PTPRT: variants seen among roughly 807,000 people sequenced by gnomAD.
PTPRT encodes protein tyrosine phosphatase receptor type T.
In PTPRT, 56 loss-of-function variants were observed where a neutral mutation model predicts 176.8. The observed-to-expected ratio is 0.32, with a 90% CI of 0.26 to 0.40. PTPRT has a LOEUF of 0.40. Among genes scored for constraint, PTPRT ranks in the 10% least tolerant of loss-of-function variants. PTPRT has a pLI of 1.00. For missense variants in PTPRT, 1,540 were observed against 1,908.2 expected (o/e 0.81, Z 3.60); for synonymous variants, 783 against 739.0 (o/e 1.06, Z -0.96).
At chr20:42,057,166 A>G in the PTPRT span, among the ~76,000 whole-genome samples, 8 of 152,320 alleles carry the variant, frequency 5.3e-5, no homozygotes, top group African/African-American at 1.2e-4. Context: ...TGGATATTCA[A>G]TAATTACTGG....
intron 12 of PTPRT, among the ~76,000 whole-genome samples, chr20:42,296,748 T>C (rs1466828236): frequency 6.6e-6 from 1 of 152,198 alleles, no homozygotes; most frequent in Non-Finnish European, 1.5e-5. Context: ...ATCTAAAACA[T>C]TGTTATTGTA....
At chr20:42,409,540 A>AT (rs1262195273) in intron 9 of PTPRT, among the ~76,000 whole-genome samples, 1 of 151,390 alleles carries the variant, frequency 6.6e-6, no homozygotes, top group Non-Finnish European at 1.5e-5. Flanking sequence ...ACAAACTGAT[A>AT]TATCAACAAT....
intron 2 of PTPRT, among the ~76,000 whole-genome samples, chr20:42,861,360 C>T (rs1222278581): frequency 2.0e-5 from 3 of 152,154 alleles, no homozygotes; most frequent in Non-Finnish European, 4.4e-5. Flanking sequence ...TAGACATTCC[C>T]TAACTGATTG....
At chr20:42,282,068 T>G (rs1485953098) in intron 13 of PTPRT, among the ~76,000 whole-genome samples, 1 of 152,162 alleles carries the variant, frequency 6.6e-6, no homozygotes, top group East Asian at 1.9e-4. Flanking sequence ...AATCACCTCA[T>G]TTTTGAAAGC....
chr20:42,541,896 G>A (rs544597027), intron 7 of PTPRT, among the ~76,000 whole-genome samples: 4 of 149,666 alleles, frequency 2.7e-5, no homozygotes, highest in South Asian at 4.3e-4. Context: ...TAAGTGATAC[G>A]GTTTGGCTGT....
intron 11 of PTPRT, 88 bp from the exon 12 acceptor site, chr20:42,316,084 C>T (rs1389971116): frequency 7.0e-7 from 1 of 1,433,504 alleles, no homozygotes; most frequent in Non-Finnish European, 9.6e-7. Flanking sequence ...CCAACTTCTC[C>T]TATGTGGAAG....
intron 2 of PTPRT, among the ~76,000 whole-genome samples, chr20:42,867,485 C>T (rs2078767830): frequency 6.8e-6 from 1 of 147,336 alleles, no homozygotes; most frequent in Non-Finnish European, 1.5e-5. Flanking sequence ...CCCTCCTAAG[C>T]TCACCCACAT....
chr20:42,834,268 C>T lies in PTPRT; in HGVS notation c.215-42802G>A, dbSNP rs1300693199. Among the ~76,000 whole-genome samples, 4 of 152,074 alleles carry T rather than the reference C, an allele frequency of 2.6e-5. No homozygotes were observed. The East Asian group carries it at 7.7e-4, about 29-fold the overall frequency. Reference sequence around the variant, plus strand: ...TGAAAAGATGTTCAACATCATTACTCATTAGGGGAATCCAAATTAAAATCA... The same window carrying T: ...TGAAAAGATGTTCAACATCATTACTTATTAGGGGAATCCAAATTAAAATCA... On this transcript the variant is annotated intron_variant, in intron 2 of 30. Transcript: ENST00000373187.
intron 7 of PTPRT, among the ~76,000 whole-genome samples, chr20:42,524,138 T>C (rs1166361649): frequency 6.6e-6 from 1 of 152,218 alleles, no homozygotes; most frequent in African/African-American, 2.4e-5. Context: ...AGTTTAGTTG[T>C]ATCATGTTTT....
chr20:42,791,736 T>C (rs987378291), intron 2 of PTPRT, among the ~76,000 whole-genome samples: 2 of 152,364 alleles, frequency 1.3e-5, no homozygotes, highest in Middle Eastern at 3.4e-3. Context: ...CGTGCTACTA[T>C]TGCTATTTGC....
intron 13 of PTPRT, among the ~76,000 whole-genome samples, chr20:42,272,721 GCACACACACA>G (rs58728446): frequency 6.7e-6 from 1 of 149,206 alleles, no homozygotes; most frequent in Non-Finnish European, 1.5e-5. Context: ...ACACGTGCGC[GCACACACACA>G]CACACACACA....
At chr20:42,454,858 C>A (rs1418566668) in intron 8 of PTPRT, among the ~76,000 whole-genome samples, 1 of 152,198 alleles carries the variant, frequency 6.6e-6, no homozygotes, top group African/African-American at 2.4e-5. Context: ...ATAATGCTTA[C>A]TGCAAAGTAC....
intron 2 of PTPRT, among the ~76,000 whole-genome samples, chr20:42,817,517 T>G (rs1374640252): frequency 1.3e-5 from 2 of 152,200 alleles, no homozygotes; most frequent in African/African-American, 4.8e-5. Flanking sequence ...TCAGGGACAG[T>G]ATGCTTATTC....
intron 11 of PTPRT, among the ~76,000 whole-genome samples, chr20:42,332,018 C>T (rs919008554): frequency 5.9e-5 from 9 of 151,818 alleles, no homozygotes; most frequent in Admixed American, 2.6e-4. Flanking sequence ...TTCACCACCT[C>T]ATACTTGCTA....
chr20:42,385,872 A>T (rs773981865), intron 9 of PTPRT, among the ~76,000 whole-genome samples: 16 of 152,212 alleles, frequency 1.1e-4, no homozygotes, highest in Non-Finnish European at 1.6e-4. Context: ...TGTGGGGATT[A>T]TTACAATTCA....
chr20:42,810,092 A>G (rs1350160575), intron 2 of PTPRT, among the ~76,000 whole-genome samples: 1 of 152,128 alleles, frequency 6.6e-6, no homozygotes, highest in Non-Finnish European at 1.5e-5. Flanking sequence ...CTGGAGTTCA[A>G]AACCAGCCTG....
intron 7 of PTPRT, among the ~76,000 whole-genome samples, chr20:42,612,978 G>A (rs1055591221): frequency 6.6e-6 from 1 of 152,066 alleles, no homozygotes; most frequent in Non-Finnish European, 1.5e-5. Context: ...TTATGCATAG[G>A]GGGAAAAAAG....
At chr20:42,330,710 C>CT (rs913927678) in intron 11 of PTPRT, among the ~76,000 whole-genome samples, 5 of 152,074 alleles carry the variant, frequency 3.3e-5, no homozygotes, top group Admixed American at 6.5e-5. Context: ...GAGACCCCAT[C>CT]TCTACAAATA....
At chr20:42,351,489 CA>C (rs199806935) in intron 10 of PTPRT, among the ~76,000 whole-genome samples, 2 of 151,528 alleles carry the variant, frequency 1.3e-5, no homozygotes, top group African/African-American at 2.4e-5. Context: ...CATTAAGCTA[CA>C]AAAAAAACAT....
Sources: gnomAD v4.1 joint callset for allele counts (sites outside exome capture counted in the v4.1 genomes callset) on GRCh38, gnomAD v4.1.1 for gene constraint, MANE v1.5 for transcripts, NCBI Gene and HGNC (gene_info 2026-07-23, HGNC 2026-07-21) for gene names.